The following DCLK2 variants were observed in gnomAD, a reference collection of about 807,000 sequenced individuals.
DCLK2 encodes doublecortin like kinase 2.
DCLK2 carries 31 observed loss-of-function variants against 78.4 expected under a neutral mutation model. That is an observed-to-expected ratio of 0.40 (90% CI 0.30 to 0.53). The LOEUF is 0.53. DCLK2 is among the 20% of genes least tolerant of loss of function. The probability of loss-of-function intolerance (pLI) is 0.61; values close to 1 mark genes in which losing one functional copy is unlikely to be tolerated. For missense variants in DCLK2, 872 were observed against 973.7 expected (o/e 0.90, Z 1.39); for synonymous variants, 407 against 374.9 (o/e 1.09, Z -0.99).
At chr4:150,135,193 C>T (rs1460569875) in intron 2 of DCLK2, among the ~76,000 whole-genome samples, 1 of 151,742 alleles carries the variant, frequency 6.6e-6, no homozygotes, top group African/African-American at 2.4e-5. Context: ...CACACACACA[C>T]TGTCTCTCTC....
At chr4:150,189,251 T>A (rs1029208024) in intron 2 of DCLK2, among the ~76,000 whole-genome samples, 2 of 144,760 alleles carry the variant, frequency 1.4e-5, no homozygotes, top group African/African-American at 5.0e-5. Context: ...CCAAAAAAAA[T>A]AAAAATCAGT....
intron 2 of DCLK2, among the ~76,000 whole-genome samples, chr4:150,140,373 T>G (rs1312688169): frequency 2.0e-5 from 3 of 152,134 alleles, no homozygotes; most frequent in East Asian, 3.9e-4. Context: ...CCAGCAAGCA[T>G]GGAGGCTCCT....
intron 1 of DCLK2, 21 bp from the exon 2 acceptor site, chr4:150,102,457 A>C: frequency 6.2e-7 from 1 of 1,603,202 alleles, no homozygotes; most frequent in Non-Finnish European, 8.5e-7. Flanking sequence ...CATGCTAATA[A>C]AATCAAATTT....
At chr4:150,165,617 T>C (rs1560826040) in intron 2 of DCLK2, among the ~76,000 whole-genome samples, 1 of 152,246 alleles carries the variant, frequency 6.6e-6, no homozygotes, top group Non-Finnish European at 1.5e-5. Flanking sequence ...TAAATTGGCC[T>C]ATAAAAAAGT....
rs1742148474 is a variant in DCLK2 at position 150,232,431 on chromosome 4, T to G, written c.1394T>G (p.Leu465Arg). The G allele has an allele frequency of 1.9e-6, 3 of 1,614,066 alleles. No homozygotes were observed. The highest frequency in any genetic ancestry group is 2.5e-6 in the Non-Finnish European group (3 of 1,180,000). ...GAGGAGATGGAAACAGCAACTGAGC[T>G]CTTTCTGGTGATGGAATTGGTCAAA... ...LVEEMETATE[L>R]FLVMELVKGG... is the part of the protein sequence containing the mutation. The change falls in exon 9 of 16, where the codon CTC becomes CGC. Residue 465 changes from leucine to arginine, a missense_variant. Coordinates refer to ENST00000296550, the MANE Select transcript of DCLK2 (RefSeq NM_001040260.4).
intron 12 of DCLK2, among the ~76,000 whole-genome samples, chr4:150,243,208 A>G (rs1214868727): frequency 2.0e-5 from 3 of 152,346 alleles, no homozygotes; most frequent in South Asian, 2.1e-4. Context: ...TGTGGGGTCT[A>G]GAGATAAGTT....
At chr4:150,127,715 C>G (rs2150192096) in intron 2 of DCLK2, among the ~76,000 whole-genome samples, 1 of 152,248 alleles carries the variant, frequency 6.6e-6, no homozygotes, top group Non-Finnish European at 1.5e-5. Context: ...TCTACAGACT[C>G]CTGATTTTGA....
intron 8 of DCLK2, 69 bp from the exon 9 acceptor site, chr4:150,232,268 T>A: frequency 6.4e-7 from 1 of 1,558,088 alleles, no homozygotes; most frequent in Non-Finnish European, 8.7e-7. Flanking sequence ...TGTTTTGCTG[T>A]CCTCCAGGCC....
chr4:150,090,559 C>T (rs753317159), intron 1 of DCLK2, among the ~76,000 whole-genome samples: 1 of 152,198 alleles, frequency 6.6e-6, no homozygotes, highest in East Asian at 1.9e-4. Context: ...CTGGTTCCAT[C>T]CTACCCAGGA....
intron 3 of DCLK2, among the ~76,000 whole-genome samples, chr4:150,195,090 A>G (rs1430952333): frequency 7.3e-6 from 1 of 136,846 alleles, no homozygotes; most frequent in Non-Finnish European, 1.5e-5. Flanking sequence ...TATCTGTGCT[A>G]GTGCTCTCCC....
intron 2 of DCLK2, among the ~76,000 whole-genome samples, chr4:150,174,681 T>C (rs1290442301): frequency 6.6e-6 from 1 of 151,530 alleles, no homozygotes. Context: ...AAAATAATGT[T>C]TTAAGTGAAG....
intron 2 of DCLK2, among the ~76,000 whole-genome samples, chr4:150,127,087 A>G (rs558035178): frequency 3.9e-5 from 6 of 152,206 alleles, no homozygotes; most frequent in Non-Finnish European, 8.8e-5. Flanking sequence ...ATCATAACAG[A>G]AGGTATATGA....
At chr4:150,126,619 A>G (rs56080313) in intron 2 of DCLK2, among the ~76,000 whole-genome samples, 35,646 of 152,106 alleles carry the variant, frequency 0.23, 4,557 homozygotes, top group African/African-American at 0.34. Context: ...TAAAAAATAT[A>G]TTTTGGCTTT....
intron 5 of DCLK2, among the ~76,000 whole-genome samples, chr4:150,205,122 G>T (rs1267207543): frequency 2.0e-5 from 3 of 152,032 alleles, no homozygotes; most frequent in African/African-American, 7.2e-5. Context: ...AGATGTTGAA[G>T]AATTTTTTTT....
chr4:150,169,914 CA>C (rs1297522684), intron 2 of DCLK2, among the ~76,000 whole-genome samples: 2 of 152,142 alleles, frequency 1.3e-5, no homozygotes, highest in Non-Finnish European at 2.9e-5. Context: ...ACTTAAAATA[CA>C]GAACAGCCGC....
At chr4:150,106,861 G>A (rs946903823) in intron 2 of DCLK2, among the ~76,000 whole-genome samples, 6 of 152,134 alleles carry the variant, frequency 3.9e-5, no homozygotes, top group African/African-American at 1.4e-4. Flanking sequence ...GTCTGACTTC[G>A]TTATTAAAAC....
intron 2 of DCLK2, among the ~76,000 whole-genome samples, chr4:150,114,864 T>G (rs1731960257): frequency 6.6e-6 from 1 of 152,242 alleles, no homozygotes; most frequent in South Asian, 2.1e-4. Flanking sequence ...ACTGTATGCC[T>G]TGGTGATGTC....
chr4:150,150,880 C>A (rs753628487), intron 2 of DCLK2, among the ~76,000 whole-genome samples: 15 of 152,234 alleles, frequency 9.9e-5, no homozygotes, highest in South Asian at 6.2e-4. Flanking sequence ...TAAAGGAGGG[C>A]AGCACTGAAA....
chr4:150,132,283 T>A (rs1372388781), intron 2 of DCLK2, among the ~76,000 whole-genome samples: 1 of 152,214 alleles, frequency 6.6e-6, no homozygotes, highest in African/African-American at 2.4e-5. Context: ...GTAGTTGACT[T>A]CTGCTAGCAT....
Sources: gnomAD v4.1 joint callset for allele counts (sites outside exome capture counted in the v4.1 genomes callset) on GRCh38, gnomAD v4.1.1 for gene constraint, MANE v1.5 for transcripts, NCBI Gene and HGNC (gene_info 2026-07-23, HGNC 2026-07-21) for gene names.